Variants in FARSB observed in about 807,000 individuals in gnomAD.
FARSB encodes phenylalanine--tRNA ligase beta subunit.
A neutral mutation model predicts 69.6 loss-of-function variants in FARSB; 40 were observed. The observed-to-expected ratio is 0.57, with a 90% CI of 0.45 to 0.75. The LOEUF is 0.75. Ranked by LOEUF, FARSB falls within the 30% of genes least tolerant of loss-of-function variation. The probability of loss-of-function intolerance (pLI) is 0.00; values close to 1 mark genes in which losing one functional copy is unlikely to be tolerated. For missense variants in FARSB, 632 were observed against 722.9 expected, an observed-to-expected ratio of 0.87 and a Z score of 1.44; for synonymous variants, 235 against 247.2, an observed-to-expected ratio of 0.95 and a Z score of 0.46.
At chr2:222,648,472 G>A (rs558952768) in intron 2 of FARSB, among the ~76,000 whole-genome samples, 2 of 152,276 alleles carry the variant, frequency 1.3e-5, no homozygotes, top group African/African-American at 4.8e-5. Context: ...CTTTCATACT[G>A]GGGTTATCTA....
chr2:222,630,740 A>T (rs1691399175), intron 8 of FARSB, among the ~76,000 whole-genome samples: 1 of 152,214 alleles, frequency 6.6e-6, no homozygotes, highest in Non-Finnish European at 1.5e-5. Flanking sequence ...CTCTTATATA[A>T]ATATTTCACT....
At chr2:222,633,542 C>T (rs1275418420) in intron 6 of FARSB, among the ~76,000 whole-genome samples, 5 of 150,958 alleles carry the variant, frequency 3.3e-5, no homozygotes, top group Non-Finnish European at 7.4e-5. Flanking sequence ...ATTAGCCAGG[C>T]GTGGTGGCAC....
chr2:222,629,206 T>C (rs898737288), intron 9 of FARSB, among the ~76,000 whole-genome samples: 1 of 152,080 alleles, frequency 6.6e-6, no homozygotes, highest in African/African-American at 2.4e-5. Context: ...GGCAGTGTGT[T>C]ACATAATAAA....
chr2:222,571,880 G>C lies in FARSB; in HGVS notation c.1761C>G (p.Pro587=), dbSNP rs757554435. ...CCACAGAGACCAATCTTCACAAAAA[G>C]GGTCCAACATTGATTTCTAGGGAGG... ...PCSSLEINVG[P]FL The change falls in exon 17 of 17, where the codon CCC becomes CCG. Residue 587 remains proline, a synonymous_variant. Coordinates refer to ENST00000281828, the MANE Select transcript of FARSB (RefSeq NM_005687.5). The C allele has an allele frequency of 6.2e-7, 1 of 1,612,410 alleles. No homozygotes were observed. Among genetic ancestry groups the C allele is most frequent in the Non-Finnish European group, 8.5e-7 (1 of 1,179,248 alleles).
chr2:222,601,644 A>C (rs1376403870), intron 15 of FARSB, among the ~76,000 whole-genome samples: 1 of 152,158 alleles, frequency 6.6e-6, no homozygotes, highest in East Asian at 1.9e-4. Flanking sequence ...ACAAACTTAC[A>C]AACTCAATAT....
chr2:222,630,011 G>A, intron 9 of FARSB, 102 bp downstream of exon 9: 2 of 724,738 alleles, frequency 2.8e-6, no homozygotes, highest in Non-Finnish European at 4.8e-6. Flanking sequence ...AAAGTGCTGG[G>A]ATTATAGGTG....
chr2:222,634,584 A>G, intron 5 of FARSB, 43 bp from the exon 6 acceptor site: 1 of 1,518,584 alleles, frequency 6.6e-7, no homozygotes, highest in Non-Finnish European at 9.0e-7. Context: ...AGGAAAGGAA[A>G]GGAGGAGAAT....
At chr2:222,655,782 C>A (rs1051921463) in intron 1 of FARSB, among the ~76,000 whole-genome samples, 1 of 152,224 alleles carries the variant, frequency 6.6e-6, no homozygotes, top group Non-Finnish European at 1.5e-5. Context: ...GATGGCAGAT[C>A]GCTGAATGAA....
At chr2:222,580,705 GA>G (rs200787833) in intron 16 of FARSB, among the ~76,000 whole-genome samples, 7 of 150,226 alleles carry the variant, frequency 4.7e-5, no homozygotes, top group South Asian at 4.2e-4. Flanking sequence ...CCACTGGTAG[GA>G]AAAAAAAATG....
At chr2:222,630,560 C>G (rs988628731) in intron 8 of FARSB, among the ~76,000 whole-genome samples, 3 of 152,134 alleles carry the variant, frequency 2.0e-5, no homozygotes, top group Non-Finnish European at 2.9e-5. Context: ...AGGCAAACCA[C>G]TTTTCTTACC....
chr2:222,643,729 T>C (rs1024261762), intron 2 of FARSB, among the ~76,000 whole-genome samples: 2 of 152,076 alleles, frequency 1.3e-5, no homozygotes, highest in Admixed American at 6.5e-5. Flanking sequence ...GGAAGCAAAC[T>C]AGTGATAGCA....
Position 222,567,400 on chromosome 2 carries a change from G to C in FARSB, c.*4471C>G, listed in dbSNP as rs1035116494. On this transcript the variant is annotated 3_prime_UTR_variant, in exon 17 of 17. Transcript: ENST00000281828. Reference sequence around the variant, plus strand: ...TGTTTGCTTTTGGATAAAATGGACAGAAGGGCCAAAGTAAATACTCAAGTA... The same window carrying C: ...TGTTTGCTTTTGGATAAAATGGACACAAGGGCCAAAGTAAATACTCAAGTA... 4 of 152,226 alleles carry C rather than the reference G, an allele frequency of 2.6e-5. No homozygotes were observed. Among genetic ancestry groups the C allele is most frequent in the Non-Finnish European group, 5.9e-5 (4 of 68,044 alleles). 9.4% of individuals were successfully genotyped at this position (152,226 alleles called of 1,614,324 possible).
chr2:222,624,788 G>C lies in FARSB; in HGVS notation c.901-13C>G. ...GGTAAGCTAATTCCTTAAATAGAAA[G>C]AGTTTAAAAAGTAAATCATTTCCCA... On this transcript the variant is annotated splice_polypyrimidine_tract_variant and intron_variant, in intron 10 of 16. Coordinates refer to ENST00000281828, the MANE Select transcript of FARSB (RefSeq NM_005687.5). 1 of 1,543,924 alleles carries C rather than the reference G, an allele frequency of 6.5e-7. No homozygotes were observed. Among genetic ancestry groups the C allele is most frequent in the Non-Finnish European group, 8.9e-7 (1 of 1,125,574 alleles).
At chr2:222,655,732 C>T (rs1363986503) in intron 1 of FARSB, among the ~76,000 whole-genome samples, 1 of 152,250 alleles carries the variant, frequency 6.6e-6, no homozygotes, top group Non-Finnish European at 1.5e-5. Flanking sequence ...TGTTCTATCC[C>T]CTGGCTTGGA....
chr2:222,572,122 A>G (rs559887916), intron 16 of FARSB, 100 bp from the exon 17 acceptor site: 2 of 948,798 alleles, frequency 2.1e-6, no homozygotes, highest in African/African-American at 3.4e-5. Context: ...AAAAATAACT[A>G]TTCTTTAAAT....
chr2:222,644,403 T>G, intron 2 of FARSB: 38 of 318,038 alleles, frequency 1.2e-4, no homozygotes, highest in East Asian at 6.3e-4. Flanking sequence ...GAGGAAGGAG[T>G]AAAAAGGGGG....
rs985728837 is a variant in FARSB, at chr2:222,628,717, T to C, written c.900+120A>G. The C allele has an allele frequency of 8.7e-6, 6 of 690,264 alleles. No homozygotes were observed. In the African/African-American group the frequency reaches 9.0e-5, roughly 10 times the overall value. The allele number at this position is 690,264 out of a possible 1,614,324, so 42.8% of individuals were successfully genotyped here. A position where few individuals can be genotyped will look rare whatever the true frequency, so the allele number is the denominator to read the frequency against. ...CTAAATCCATGTAATGCACATAGTG[T>C]AGCGCCTGGCACACGGGTGGGTAGG... On this transcript the variant is annotated intron_variant, in intron 10 of 16. Transcript: ENST00000281828.
intron 14 of FARSB, among the ~76,000 whole-genome samples, chr2:222,619,188 C>T (rs1260408571): frequency 6.6e-6 from 1 of 151,288 alleles, no homozygotes; most frequent in African/African-American, 2.4e-5. Flanking sequence ...CACCTGTAAT[C>T]CCAACTACTT....
chr2:222,635,693 G>A (rs963087238), intron 5 of FARSB, among the ~76,000 whole-genome samples: 7 of 152,222 alleles, frequency 4.6e-5, no homozygotes, highest in Admixed American at 2.6e-4. Flanking sequence ...ACAAAAAAAC[G>A]TAACTCCAGA....
Sources: allele counts gnomAD v4.1 joint callset (sites outside exome capture counted in the v4.1 genomes callset), GRCh38; gene constraint gnomAD v4.1.1; transcripts MANE v1.5; gene names NCBI Gene and HGNC (gene_info 2026-07-23, HGNC 2026-07-21).